Variants in SPATA6 observed in about 807,000 individuals in gnomAD.
SPATA6 encodes the protein spermatogenesis associated 6, also known as spermatogenesis-associated protein 6.
A neutral mutation model predicts 65.3 loss-of-function variants in SPATA6; 56 were observed. That is an observed-to-expected ratio of 0.86 (90% CI 0.69 to 1.07). The LOEUF (loss-of-function observed/expected upper bound fraction) is 1.07. Among genes scored for constraint, SPATA6 ranks in the 50% least tolerant of loss-of-function variants. SPATA6 has a pLI of 0.00. For missense variants in SPATA6, 590 were observed against 594.8 expected, an observed-to-expected ratio of 0.99 and a Z score of 0.08; for synonymous variants, 199 against 213.2, an observed-to-expected ratio of 0.93 and a Z score of 0.58.
chr1:48,417,014 C>G (rs1278729731), intron 3 of SPATA6, among the ~76,000 whole-genome samples: 2 of 152,124 alleles, frequency 1.3e-5, no homozygotes, highest in African/African-American at 2.4e-5. Flanking sequence ...AAAGTTAAAA[C>G]TTTCCCTCTG....
intron 3 of SPATA6, among the ~76,000 whole-genome samples, chr1:48,439,468 T>C (rs1655256874): frequency 6.6e-6 from 1 of 151,940 alleles, no homozygotes; most frequent in African/African-American, 2.4e-5. Flanking sequence ...TTGCAGGTTC[T>C]TGGGCAAGAG....
chr1:48,397,849 C>T (rs559996665), intron 7 of SPATA6, among the ~76,000 whole-genome samples: 18 of 151,636 alleles, frequency 1.2e-4, no homozygotes, highest in African/African-American at 3.9e-4. Flanking sequence ...AAGTTTGTAT[C>T]AAGCAATATT....
chr1:48,471,927 C>T (rs1277045171), intron 1 of SPATA6, 31 bp downstream of exon 1: 2 of 1,608,898 alleles, frequency 1.2e-6, no homozygotes, highest in Admixed American at 3.3e-5. Context: ...TGAGCCAATG[C>T]CCGGGGGTGG....
At chr1:48,269,519 C>A in the SPATA6 span, among the ~76,000 whole-genome samples, 1 of 152,038 alleles carries the variant, frequency 6.6e-6, no homozygotes, top group Admixed American at 6.6e-5. Context: ...CCAGATCATT[C>A]ATAAAAGCAA....
At chr1:48,453,372 T>A (rs1202878980) in intron 1 of SPATA6, among the ~76,000 whole-genome samples, 1 of 152,218 alleles carries the variant, frequency 6.6e-6, no homozygotes, top group East Asian at 1.9e-4. Context: ...ACATTTGAAG[T>A]TCTATGTACT....
At chr1:48,309,915 T>A (rs1252150852) in intron 11 of SPATA6, among the ~76,000 whole-genome samples, 1 of 152,194 alleles carries the variant, frequency 6.6e-6, no homozygotes, top group Non-Finnish European at 1.5e-5. Context: ...GCCTAAGCCG[T>A]AACTGATTGT....
chr1:48,290,917 T>C (rs975824033), downstream of SPATA6, among the ~76,000 whole-genome samples: 1 of 152,060 alleles, frequency 6.6e-6, no homozygotes, highest in Non-Finnish European at 1.5e-5. Flanking sequence ...AACACCCCAC[T>C]GTCAACATTA....
intron 11 of SPATA6, among the ~76,000 whole-genome samples, chr1:48,336,450 T>TA (rs1323330088): frequency 6.6e-6 from 1 of 151,936 alleles, no homozygotes; most frequent in Non-Finnish European, 1.5e-5. Context: ...TACGCAATCC[T>TA]AAAAAAGAAA....
At chr1:48,439,745 C>T (rs1655291234) in intron 3 of SPATA6, among the ~76,000 whole-genome samples, 1 of 152,046 alleles carries the variant, frequency 6.6e-6, no homozygotes, top group South Asian at 2.1e-4. Flanking sequence ...TTGGGACAGG[C>T]ATTAACAGGC....
chr1:48,370,308 AAGGACCATAG>A (rs1241104556), intron 9 of SPATA6, among the ~76,000 whole-genome samples: 1 of 152,234 alleles, frequency 6.6e-6, no homozygotes, highest in African/African-American at 2.4e-5. Flanking sequence ...AGTTGAGAAT[AAGGACCATAG>A]GACAGAAGCA....
At chr1:48,444,861 G>A (rs1655866667) in intron 3 of SPATA6, among the ~76,000 whole-genome samples, 1 of 152,076 alleles carries the variant, frequency 6.6e-6, no homozygotes, top group South Asian at 2.1e-4. Flanking sequence ...AGACACACAA[G>A]GACTGTCAGA....
rs1644845749 is a variant in SPATA6 at position 48,298,034 on chromosome 1, C to T, written c.*679G>A. On this transcript the variant is annotated 3_prime_UTR_variant, in exon 13 of 13. Coordinates refer to ENST00000371847, the MANE Select transcript of SPATA6 (RefSeq NM_019073.4). ...AAAAAAATCATGCAAAGAATTTTAT[C>T]TTTAAAAATTAGTTATTCAAATTTT... 6.6e-6 allele frequency: 1 copy of T among 152,074 alleles called. No individual in the cohort carries two copies. 9.4% of individuals were successfully genotyped at this position (152,074 alleles called of 1,614,324 possible). A position where few individuals can be genotyped will look rare whatever the true frequency, so the allele number is the denominator to read the frequency against.
intron 11 of SPATA6, among the ~76,000 whole-genome samples, chr1:48,308,151 T>G (rs1209727670): frequency 1.3e-5 from 2 of 152,000 alleles, no homozygotes; most frequent in Non-Finnish European, 2.9e-5. Flanking sequence ...TTTCTATGTC[T>G]TTTTTCATTT....
chr1:48,436,832 T>C (rs1231383154), intron 3 of SPATA6: 5 of 1,612,860 alleles, frequency 3.1e-6, no homozygotes, highest in African/African-American at 1.3e-5. Context: ...TATAGCCCAT[T>C]GGATATCAGT....
chr1:48,287,562 A>T, the SPATA6 span, among the ~76,000 whole-genome samples: 24 of 152,168 alleles, frequency 1.6e-4, no homozygotes, highest in Non-Finnish European at 3.5e-4. Context: ...TTTCTCAAGT[A>T]GTTCACATGA....
At chr1:48,316,943 G>A (rs1645445754) in intron 11 of SPATA6, among the ~76,000 whole-genome samples, 1 of 152,134 alleles carries the variant, frequency 6.6e-6, no homozygotes, top group African/African-American at 2.4e-5. Flanking sequence ...CATCATCACT[G>A]GCCATCAGAG....
At chr1:48,309,587 T>C (rs1425799381) in intron 11 of SPATA6, among the ~76,000 whole-genome samples, 1 of 152,232 alleles carries the variant, frequency 6.6e-6, no homozygotes, top group Non-Finnish European at 1.5e-5. Flanking sequence ...TTTGAATAAC[T>C]ATATTTAACA....
chr1:48,308,974 C>T (rs1316660973), intron 11 of SPATA6, among the ~76,000 whole-genome samples: 1 of 152,122 alleles, frequency 6.6e-6, no homozygotes, highest in Non-Finnish European at 1.5e-5. Flanking sequence ...TAGCCTTGAA[C>T]TCCTGGGCTC....
intron 11 of SPATA6, chr1:48,325,253 T>C: frequency 1.2e-6 from 1 of 816,598 alleles, no homozygotes; most frequent in Non-Finnish European, 2.0e-6. Flanking sequence ...AAGGTTTGGA[T>C]ATGGCATAAA....
Sources: allele counts gnomAD v4.1 joint callset (sites outside exome capture counted in the v4.1 genomes callset), GRCh38; gene constraint gnomAD v4.1.1; transcripts MANE v1.5; gene names NCBI Gene and HGNC (gene_info 2026-07-23, HGNC 2026-07-21).